The following EYS variants were observed in gnomAD, a reference collection of about 807,000 sequenced individuals.
EYS encodes protein eyes shut homolog.
EYS carries 250 observed loss-of-function variants against 282.1 expected under a neutral mutation model. The observed-to-expected ratio is 0.89, with a 90% CI of 0.80 to 0.98. The LOEUF is 0.98. Among genes scored for constraint, EYS ranks in the 50% least tolerant of loss-of-function variants. EYS has a pLI of 0.00. For synonymous variants in EYS, 1,355 were observed against 1,282.9 expected, an observed-to-expected ratio of 1.06 and a Z score of -1.20; for missense variants, 4,016 against 3,709.0, an observed-to-expected ratio of 1.08 and a Z score of -2.15.
intron 22 of EYS, among the ~76,000 whole-genome samples, chr6:64,669,049 C>G (rs1274613786): frequency 1.3e-5 from 2 of 152,042 alleles, no homozygotes; most frequent in Non-Finnish European, 2.9e-5. Context: ...AAAGAAGAAC[C>G]CTCACAATAT....
intron 11 of EYS, among the ~76,000 whole-genome samples, chr6:65,318,488 G>A (rs1769375219): frequency 6.8e-6 from 1 of 147,288 alleles, no homozygotes; most frequent in Admixed American, 6.8e-5. Flanking sequence ...GGGTCATTGA[G>A]GGTCATCTTG....
At chr6:65,684,099 T>C (rs1460736971) in intron 1 of EYS, among the ~76,000 whole-genome samples, 1 of 152,000 alleles carries the variant, frequency 6.6e-6, no homozygotes, top group Non-Finnish European at 1.5e-5. Flanking sequence ...TGCCAATCAA[T>C]TTTTGTATAA....
chr6:65,684,283 C>T lies in EYS; in HGVS notation c.-448+22852G>A, dbSNP rs541644910. Among the ~76,000 whole-genome samples the T allele has an allele frequency of 4.6e-5, 7 of 152,102 alleles. No individual in the cohort carries two copies. The East Asian group carries it at 1.4e-3, about 30-fold the overall frequency. On this transcript the variant is annotated intron_variant, in intron 1 of 42. Transcript: ENST00000503581. Reference sequence around the variant, plus strand: ...TTAAAAATAGCAAATCCTCTTATCTCCCCAAGCTCTACAAGAAAATAATAA... The same window carrying T: ...TTAAAAATAGCAAATCCTCTTATCTTCCCAAGCTCTACAAGAAAATAATAA...
chr6:63,953,469 T>C (rs548069367), intron 35 of EYS, among the ~76,000 whole-genome samples: 1 of 152,134 alleles, frequency 6.6e-6, no homozygotes. Flanking sequence ...ATCTGTTACG[T>C]ATCTTGGCAT....
chr6:64,595,926 G>A lies in EYS; in HGVS notation c.3685-2617C>T, dbSNP rs938534628. ...TTCATAAAGAAAGTAGGTTTAATTGGCTCTCAGTTCTGCAGGCTTTAGAGG... is the reference window on the plus strand; with the variant it reads ...TTCATAAAGAAAGTAGGTTTAATTGACTCTCAGTTCTGCAGGCTTTAGAGG... On this transcript the variant is annotated intron_variant, in intron 24 of 42. Transcript: ENST00000503581. 2.0e-5 allele frequency among the ~76,000 whole-genome samples: 3 copies of A among 152,154 alleles called. No homozygotes were observed. In the East Asian group the frequency reaches 5.8e-4, roughly 29 times the overall value.
At chr6:65,615,663 G>T (rs555623625) in intron 2 of EYS, among the ~76,000 whole-genome samples, 1 of 152,010 alleles carries the variant, frequency 6.6e-6, no homozygotes, top group Non-Finnish European at 1.5e-5. Context: ...AGCCAGGTGC[G>T]GTGGCTCACG....
chr6:63,873,035 G>C (rs1159317692), intron 35 of EYS, among the ~76,000 whole-genome samples: 1 of 151,942 alleles, frequency 6.6e-6, no homozygotes, highest in East Asian at 1.9e-4. Context: ...TTAAATTCTA[G>C]GGTACATGTG....
chr6:65,404,732 G>A (rs565473350), intron 6 of EYS, among the ~76,000 whole-genome samples: 33 of 152,054 alleles, frequency 2.2e-4, no homozygotes, highest in Non-Finnish European at 4.0e-4. Flanking sequence ...TTTTCAGAGT[G>A]TTAGTAACAA....
intron 31 of EYS, among the ~76,000 whole-genome samples, chr6:64,135,107 G>T (rs1353831473): frequency 6.6e-6 from 1 of 151,986 alleles, no homozygotes; most frequent in Non-Finnish European, 1.5e-5. Context: ...CTGAGTGAGG[G>T]TTTCATAGAG....
intron 14 of EYS, among the ~76,000 whole-genome samples, chr6:64,957,666 A>T (rs1477574307): frequency 6.6e-6 from 1 of 152,204 alleles, no homozygotes; most frequent in Non-Finnish European, 1.5e-5. Flanking sequence ...CCATGATTTG[A>T]TTATTTCACA....
intron 13 of EYS, among the ~76,000 whole-genome samples, chr6:65,050,244 G>A (rs1259886937): frequency 6.6e-6 from 1 of 151,496 alleles, no homozygotes; most frequent in African/African-American, 2.4e-5. Context: ...AATAACCTTA[G>A]CATGTTAGCA....
At chr6:65,239,002 C>T (rs1419163651) in intron 12 of EYS, among the ~76,000 whole-genome samples, 1 of 151,876 alleles carries the variant, frequency 6.6e-6, no homozygotes, top group African/African-American at 2.4e-5. Flanking sequence ...CATTATAGTT[C>T]AAAAAATAAG....
intron 36 of EYS, among the ~76,000 whole-genome samples, chr6:63,844,720 T>C (rs1000616273): frequency 6.6e-6 from 1 of 152,188 alleles, no homozygotes; most frequent in African/African-American, 2.4e-5. Context: ...ATTTTTTTCT[T>C]GTAAATTTGT....
In EYS at chr6:63,887,314, G is replaced by GTTTTTTTTTT. The variant is rs35622877; in HGVS notation, c.7056-22966_7056-22957dup. 3.3e-5 allele frequency among the ~76,000 whole-genome samples: 4 copies of GTTTTTTTTTT among 120,232 alleles called. 1 individual carries two copies. The highest frequency in any genetic ancestry group is 1.7e-4 in the Admixed American group (2 of 11,576). 78.9% of individuals were successfully genotyped at this position (120,232 alleles called of 152,430 possible). On this transcript the variant is annotated intron_variant, in intron 35 of 42. Transcript: ENST00000503581. ...AAAAGAGGAAAGAGGAATAAAAGGT[G>GTTTTTTTTTT]TTTTTTTTTTTTTTTTTTGTCTTTG... is the stretch of plus-strand genomic sequence containing the variant.
At chr6:64,718,641 T>G (rs1316853621) in intron 22 of EYS, among the ~76,000 whole-genome samples, 2 of 152,354 alleles carry the variant, frequency 1.3e-5, no homozygotes, top group South Asian at 2.1e-4. Flanking sequence ...GGAATACATA[T>G]GCCTCACAGC....
At chr6:64,274,910 T>C (rs1582520735) in intron 30 of EYS, among the ~76,000 whole-genome samples, 1 of 152,170 alleles carries the variant, frequency 6.6e-6, no homozygotes, top group African/African-American at 2.4e-5. Context: ...GTGGCGACTA[T>C]CTGGCAGCTG....
At chr6:64,572,911 G>GAA (rs60862238) in intron 26 of EYS, among the ~76,000 whole-genome samples, 96 of 151,582 alleles carry the variant, frequency 6.3e-4, no homozygotes, top group Non-Finnish European at 1.3e-3. Flanking sequence ...TACAAAATTA[G>GAA]AAAAAAAACT....
chr6:63,860,059 A>C (rs1429149188), intron 36 of EYS, among the ~76,000 whole-genome samples: 1 of 152,230 alleles, frequency 6.6e-6, no homozygotes, highest in African/African-American at 2.4e-5. Flanking sequence ...ATTGAACAAC[A>C]GCTAGGCTTA....
At chr6:64,393,041 T>A (rs1190436322) in intron 28 of EYS, among the ~76,000 whole-genome samples, 3 of 152,236 alleles carry the variant, frequency 2.0e-5, no homozygotes, top group Admixed American at 6.5e-5. Context: ...AAGAAATGGA[T>A]AAATTCCTCG....
Sources: gnomAD v4.1 joint callset for allele counts (sites outside exome capture counted in the v4.1 genomes callset) on GRCh38, gnomAD v4.1.1 for gene constraint, MANE v1.5 for transcripts, NCBI Gene and HGNC (gene_info 2026-07-23, HGNC 2026-07-21) for gene names.